The following DCDC1 variants were observed in gnomAD, a reference collection of about 807,000 sequenced individuals.
The protein encoded by DCDC1 is doublecortin domain-containing protein 1.
In DCDC1, 200 loss-of-function variants were observed where a neutral mutation model predicts 178.3. The ratio of observed to expected loss-of-function variants is 1.12; its 90% CI spans 1.00 to 1.26. The LOEUF is 1.26. DCDC1 is among the 50% of genes most tolerant of loss of function. DCDC1 has a pLI of 0.00. For synonymous variants in DCDC1, 690 were observed against 604.8 expected, an observed-to-expected ratio of 1.14 and a Z score of -2.07; for missense variants, 1,983 against 1,749.2, an observed-to-expected ratio of 1.13 and a Z score of -2.38.
chr11:30,960,659 A>G (rs1590555653), intron 20 of DCDC1, among the ~76,000 whole-genome samples: 1 of 152,078 alleles, frequency 6.6e-6, no homozygotes, highest in Non-Finnish European at 1.5e-5. Flanking sequence ...CTTCTATTTA[A>G]TATTTCCATG....
At chr11:31,085,081 A>C (rs1957390042) in intron 17 of DCDC1, among the ~76,000 whole-genome samples, 1 of 151,808 alleles carries the variant, frequency 6.6e-6, no homozygotes, top group Non-Finnish European at 1.5e-5. Flanking sequence ...TATCCCATTG[A>C]GAAAGGCCTT....
chr11:31,277,808 C>A (rs1238356401), intron 7 of DCDC1, among the ~76,000 whole-genome samples: 1 of 152,030 alleles, frequency 6.6e-6, no homozygotes, highest in Non-Finnish European at 1.5e-5. Flanking sequence ...ATATTCTCAA[C>A]CAAAGTTTTT....
chr11:30,881,474 T>C (rs770759207), intron 36 of DCDC1, among the ~76,000 whole-genome samples, 166 bp from the exon 37 acceptor site: 5 of 152,220 alleles, frequency 3.3e-5, no homozygotes, highest in African/African-American at 4.8e-5. Context: ...CATGCAAATG[T>C]TCCCTAAAGT....
intron 20 of DCDC1, among the ~76,000 whole-genome samples, chr11:31,021,644 T>C (rs1472637484): frequency 6.6e-6 from 1 of 152,118 alleles, no homozygotes; most frequent in Non-Finnish European, 1.5e-5. Flanking sequence ...GGGGACTGTG[T>C]AGGAGAAAAA....
intron 7 of DCDC1, among the ~76,000 whole-genome samples, chr11:31,268,629 G>A (rs1278552212): frequency 2.0e-5 from 3 of 152,164 alleles, no homozygotes; most frequent in African/African-American, 7.2e-5. Context: ...CACTGCTGAT[G>A]GGCACCTAGC....
At chr11:30,888,663 G>C (rs1943522492) in intron 36 of DCDC1, among the ~76,000 whole-genome samples, 1 of 152,214 alleles carries the variant, frequency 6.6e-6, no homozygotes, top group Admixed American at 6.5e-5. Context: ...GTTTCAGTGA[G>C]CTAAGATAGC....
At chr11:31,257,333 G>A (rs1040548592) in intron 8 of DCDC1, among the ~76,000 whole-genome samples, 4 of 152,212 alleles carry the variant, frequency 2.6e-5, no homozygotes, top group South Asian at 2.1e-4. Flanking sequence ...ATCAAAGTAG[G>A]CTCTACATTT....
chr11:31,116,273 T>C (rs1356929364), intron 11 of DCDC1, among the ~76,000 whole-genome samples: 3 of 152,068 alleles, frequency 2.0e-5, no homozygotes, highest in South Asian at 2.1e-4. Context: ...CTCTAATATA[T>C]GAAAATTGAA....
chr11:31,015,398 T>G (rs1415052970), intron 20 of DCDC1, among the ~76,000 whole-genome samples: 2 of 152,210 alleles, frequency 1.3e-5, no homozygotes, highest in Non-Finnish European at 2.9e-5. Flanking sequence ...TTCACTGAAA[T>G]GCTTCGTTTT....
intron 9 of DCDC1, among the ~76,000 whole-genome samples, chr11:31,141,765 G>C (rs1235514231): frequency 6.6e-6 from 1 of 152,182 alleles, no homozygotes; most frequent in Non-Finnish European, 1.5e-5. Context: ...GCCAGCTGCA[G>C]GTATTTTTTT....
chr11:31,109,813 A>G (rs1265338056), intron 12 of DCDC1, among the ~76,000 whole-genome samples: 1 of 152,176 alleles, frequency 6.6e-6, no homozygotes, highest in Non-Finnish European at 1.5e-5. Flanking sequence ...GAAAACAGAA[A>G]AAGGTAAGAG....
At chr11:30,879,262 C>T (rs907202704) in intron 37 of DCDC1, among the ~76,000 whole-genome samples, 1 of 152,108 alleles carries the variant, frequency 6.6e-6, no homozygotes, top group Non-Finnish European at 1.5e-5. Context: ...TTCCTACATA[C>T]TTAAGCCAGT....
In DCDC1 at chr11:30,872,608, G is replaced by A. The variant is rs1004709529; in HGVS notation, c.*40+5936C>T. Among the ~76,000 whole-genome samples the A allele has an allele frequency of 3.9e-5, 6 of 152,030 alleles. No homozygotes were observed. The South Asian group carries it at 8.3e-4, about 21-fold the overall frequency. Reference sequence around the variant, plus strand: ...TCCTTTGGTAGCTTGAGCATGCCACGCTCTTTCCTGATTCTCACCTCTGCC... The same window carrying A: ...TCCTTTGGTAGCTTGAGCATGCCACACTCTTTCCTGATTCTCACCTCTGCC... On this transcript the variant is annotated intron_variant, in intron 38 of 38. Transcript: ENST00000684477.
chr11:31,150,676 C>A (rs1372823123), intron 9 of DCDC1, among the ~76,000 whole-genome samples: 4 of 152,056 alleles, frequency 2.6e-5, no homozygotes, highest in Non-Finnish European at 4.4e-5. Flanking sequence ...TGTCACCCAC[C>A]AATATATCTA....
intron 9 of DCDC1, among the ~76,000 whole-genome samples, chr11:31,154,840 C>G (rs1458806499): frequency 6.6e-6 from 1 of 152,172 alleles, no homozygotes; most frequent in Non-Finnish European, 1.5e-5. Flanking sequence ...TCCGTCCTCT[C>G]TGGAGCGCGA....
chr11:31,346,178 G>C, intron 1 of DCDC1, among the ~76,000 whole-genome samples: 1 of 152,054 alleles, frequency 6.6e-6, no homozygotes, highest in Non-Finnish European at 1.5e-5. Flanking sequence ...AGACATGGCA[G>C]AGAAAACAGA....
At chr11:30,978,779 AACACACACAC>A (rs56058117) in intron 20 of DCDC1, among the ~76,000 whole-genome samples, 6 of 118,980 alleles carry the variant, frequency 5.0e-5, no homozygotes, top group African/African-American at 7.5e-5. Context: ...GTCCCCCCTC[AACACACACAC>A]ACACACACAC....
At chr11:31,185,696 C>T (rs1040178228) in intron 9 of DCDC1, among the ~76,000 whole-genome samples, 4 of 152,142 alleles carry the variant, frequency 2.6e-5, no homozygotes, top group African/African-American at 9.7e-5. Context: ...AAGTTATATC[C>T]CACACCAAGT....
chr11:31,201,924 T>C (rs893903865), intron 9 of DCDC1, among the ~76,000 whole-genome samples: 2 of 152,230 alleles, frequency 1.3e-5, no homozygotes, highest in Admixed American at 6.5e-5. Flanking sequence ...CTAGCATATC[T>C]ATTTTTATAC....
Sources: gnomAD v4.1 joint callset for allele counts (sites outside exome capture counted in the v4.1 genomes callset) on GRCh38, gnomAD v4.1.1 for gene constraint, MANE v1.5 for transcripts, NCBI Gene and HGNC (gene_info 2026-07-23, HGNC 2026-07-21) for gene names.